The following PCDHGB6 variants were observed in gnomAD, a reference collection of about 807,000 sequenced individuals.
PCDHGB6 encodes protocadherin gamma subfamily B, 6, also known as protocadherin gamma-B6.
A neutral mutation model predicts 59.1 loss-of-function variants in PCDHGB6; 51 were observed. The observed-to-expected ratio is 0.86, with a 90% CI of 0.69 to 1.09. The LOEUF is 1.09. Among genes scored for constraint, PCDHGB6 ranks in the 50% least tolerant of loss-of-function variants. PCDHGB6 has a pLI of 0.00. For synonymous variants in PCDHGB6, 466 were observed against 495.1 expected (o/e 0.94, Z 0.78); for missense variants, 1,148 against 1,205.1 (o/e 0.95, Z 0.70).
chr5:141,491,714 C>T lies in PCDHGB6; in HGVS notation c.2419-3093C>T, dbSNP rs1321811999. 2 of 1,608,744 alleles carry T rather than the reference C, an allele frequency of 1.2e-6. No individual in the cohort carries two copies. Among genetic ancestry groups the T allele is most frequent in the Non-Finnish European group, 1.7e-6 (2 of 1,177,916 alleles). The stretch of plus-strand genomic sequence containing the variant: ...GAGCGGAGCCAGGTGAGGGGCTCGG[C>T]GCCGCCCCGGGCGACCCCTGGGGGC... On this transcript the variant is annotated intron_variant, in intron 1 of 3. Coordinates refer to ENST00000520790, the MANE Select transcript of PCDHGB6 (RefSeq NM_018926.3). The surrounding 1 kb of genome is among the most constrained non-coding windows in gnomAD (Gnocchi z 6.9).
intron 1 of PCDHGB6, among the ~76,000 whole-genome samples, chr5:141,474,000 C>T (rs2099336161): frequency 6.6e-6 from 1 of 152,076 alleles, no homozygotes. Context: ...GCCCAAGGAG[C>T]TGGAAGTTAC....
rs922042985 is a variant in PCDHGB6, at chr5:141,415,768, T to G, written c.2418+5148T>G. 1.6e-5 allele frequency: 22 copies of G among 1,345,224 alleles called. No homozygotes were observed. The African/African-American group carries it at 3.6e-4, about 22-fold the overall frequency. The allele number at this position is 1,345,224 out of a possible 1,614,324, so 83.3% of individuals were successfully genotyped here. ...TTTTTTTTTTTTTTTTTTTTTTTTT[T>G]TTTTACTTTCTGGTAAAATTCACCT... is the stretch of plus-strand genomic sequence containing the variant. On this transcript the variant is annotated intron_variant, in intron 1 of 3. Coordinates refer to ENST00000520790, the MANE Select transcript of PCDHGB6 (RefSeq NM_018926.3).
Position 141,432,916 on chromosome 5 carries a change from G to A in PCDHGB6, c.2418+22296G>A, listed in dbSNP as rs1303459899. ...TGCTGGCGCTCAGGCTGCGGCGCTG[G>A]CACAAGTCACGCCTGCTGCAGGCTT... is the stretch of plus-strand genomic sequence containing the variant. On this transcript the variant is annotated intron_variant, in intron 1 of 3. Transcript: ENST00000520790. This position sits in a 1 kb window ranked among gnomAD's most constrained non-coding sequence, Gnocchi z 6.0. 1.2e-6 allele frequency: 2 copies of A among 1,614,078 alleles called. No individual in the cohort carries two copies. The highest frequency in any genetic ancestry group is 1.7e-6 in the Non-Finnish European group (2 of 1,180,048).
At chr5:141,428,618 T>C (rs554092834) in intron 1 of PCDHGB6, 1 of 206,012 alleles carries the variant, frequency 4.9e-6, no homozygotes, top group African/African-American at 2.3e-5. Context: ...AATAACAAGA[T>C]AAGCTCTAAC....
chr5:141,418,363 C>G (rs147423305), intron 1 of PCDHGB6: 1 of 1,613,866 alleles, frequency 6.2e-7, no homozygotes, highest in Non-Finnish European at 8.5e-7. Context: ...ATTCGCTGAG[C>G]AAATACCAAC....
intron 1 of PCDHGB6, chr5:141,439,807 G>A (rs2098132839): frequency 6.6e-6 from 1 of 152,336 alleles, no homozygotes; most frequent in African/African-American, 2.4e-5. Context: ...AGTTTGAAAA[G>A]GGGCTTATTT....
intron 1 of PCDHGB6, among the ~76,000 whole-genome samples, chr5:141,475,620 G>A (rs2154572702): frequency 6.6e-6 from 1 of 152,238 alleles, no homozygotes; most frequent in Admixed American, 6.5e-5. Flanking sequence ...TTTTCGGTTT[G>A]GTTCGATCCC....
intron 1 of PCDHGB6, chr5:141,430,495 T>C: frequency 3.4e-6 from 1 of 293,400 alleles, no homozygotes; most frequent in Non-Finnish European, 6.2e-6. Context: ...GAAATATCCT[T>C]TCTGGGAGTT....
In PCDHGB6 at chr5:141,477,602, C is replaced by G. The variant is rs772296229; in HGVS notation, c.2419-17205C>G. ...GCAGAATGCTCGGCTTTCTTTCTTT[C>G]TCTTGGAGCAAGGAGCTGAAACCGG... On this transcript the variant is annotated intron_variant, in intron 1 of 3. Coordinates refer to ENST00000520790, the MANE Select transcript of PCDHGB6 (RefSeq NM_018926.3). This position sits in a 1 kb window ranked among gnomAD's most constrained non-coding sequence, Gnocchi z 4.9. 6.2e-7 allele frequency: 1 copy of G among 1,614,098 alleles called. No homozygotes were observed. Among genetic ancestry groups the G allele is most frequent in the East Asian group, 2.2e-5 (1 of 44,898 alleles).
rs2095365763 is a variant in PCDHGB6, at chr5:141,410,177, A to C, written c.1975A>C (p.Thr659Pro). 1.2e-6 allele frequency: 2 copies of C among 1,613,626 alleles called. No homozygotes were observed. The highest frequency in any genetic ancestry group is 1.7e-6 in the Non-Finnish European group (2 of 1,179,734). Reference sequence around the variant, plus strand: ...ACAGCCGCCACTCTCTGCCACCGCCACGCTTCATCTGGTCTTCGCAGACAA... The same window carrying C: ...ACAGCCGCCACTCTCTGCCACCGCCCCGCTTCATCTGGTCTTCGCAGACAA... ...GGQPPLSATA[T>P]LHLVFADNLQ... is the part of the protein sequence containing the mutation. Residue 659 changes from threonine to proline, a missense_variant, in exon 1 of 4, where the codon ACG becomes CCG. Transcript: ENST00000520790.
In PCDHGB6 at chr5:141,432,021, C is replaced by G. The variant is rs746940912; in HGVS notation, c.2418+21401C>G. 1.9e-5 allele frequency: 30 copies of G among 1,614,076 alleles called. No individual in the cohort carries two copies. The highest frequency in any genetic ancestry group is 2.7e-5 in the African/African-American group (2 of 74,922). Reference sequence around the variant, plus strand: ...GAACAGGTTCCTAGCTACAACATCACAGTGACCGCCACTGACCGGGGAACC... The same window carrying G: ...GAACAGGTTCCTAGCTACAACATCAGAGTGACCGCCACTGACCGGGGAACC... On this transcript the variant is annotated intron_variant, in intron 1 of 3. Transcript: ENST00000520790. The surrounding 1 kb of genome is among the most constrained non-coding windows in gnomAD (Gnocchi z 6.0).
intron 1 of PCDHGB6, among the ~76,000 whole-genome samples, chr5:141,447,895 G>A (rs931589569): frequency 1.3e-5 from 2 of 152,068 alleles, no homozygotes; most frequent in Non-Finnish European, 2.9e-5. Context: ...AGACCAGCCT[G>A]GCCAACATGG....
rs141958687 is a variant in PCDHGB6 at position 141,509,744 on chromosome 5, G to A, written c.2567-1203G>A. 3.3e-3 allele frequency among the ~76,000 whole-genome samples: 509 copies of A among 152,266 alleles called. 3 individuals are homozygous for A. The highest frequency in any genetic ancestry group is 5.5e-3 in the Non-Finnish European group (372 of 68,024). On this transcript the variant is annotated intron_variant, in intron 3 of 3. Coordinates refer to ENST00000520790, the MANE Select transcript of PCDHGB6 (RefSeq NM_018926.3). ...CACCTAGCTGTGGCACTCTGAGCCT[G>A]TGCCTAAAGTGTCCCTGAGATGTCT...
At chr5:141,418,381 T>C in intron 1 of PCDHGB6, 3 of 1,613,998 alleles carry the variant, frequency 1.9e-6, no homozygotes, top group Non-Finnish European at 2.5e-6. Flanking sequence ...AACTAAGTCC[T>C]AACGAGTATT....
intron 1 of PCDHGB6, chr5:141,423,126 G>T (rs1397550571): frequency 6.2e-7 from 1 of 1,613,622 alleles, no homozygotes; most frequent in Non-Finnish European, 8.5e-7. Context: ...CGCGGGCACT[G>T]CTGGACAGAG....
chr5:141,408,670 T>G lies in PCDHGB6; in HGVS notation c.468T>G (p.Pro156=). 6.2e-7 allele frequency: 1 copy of G among 1,614,008 alleles called. No individual in the cohort carries two copies. Among genetic ancestry groups the G allele is most frequent in the Non-Finnish European group, 8.5e-7 (1 of 1,179,870 alleles). Residue 156 remains proline (P), a synonymous_variant, in exon 1 of 4, where the codon CCT becomes CCG. Coordinates refer to ENST00000520790, the MANE Select transcript of PCDHGB6 (RefSeq NM_018926.3). Reference sequence around the variant, plus strand: ...CTGGTACACGACTATCGCTTGACCCTGCCACGGATCCTGATATAAACATAA... The same window carrying G: ...CTGGTACACGACTATCGCTTGACCCGGCCACGGATCCTGATATAAACATAA... The part of the protein sequence containing the change: ...ASAGTRLSLD[P]ATDPDININS...
chr5:141,465,520 G>C (rs2099104807), intron 1 of PCDHGB6, among the ~76,000 whole-genome samples: 1 of 152,144 alleles, frequency 6.6e-6, no homozygotes, highest in Non-Finnish European at 1.5e-5. Flanking sequence ...GAAGGATTCT[G>C]GGGAAGTTTT....
chr5:141,508,334 C>T (rs1323577321), intron 3 of PCDHGB6: 2 of 151,150 alleles, frequency 1.3e-5, no homozygotes, highest in African/African-American at 4.9e-5. Flanking sequence ...GGAGAACTGA[C>T]TCTACAGAAA....
intron 1 of PCDHGB6, chr5:141,418,522 C>A: frequency 6.2e-7 from 1 of 1,614,000 alleles, no homozygotes; most frequent in Non-Finnish European, 8.5e-7. Flanking sequence ...GGGACCCTCC[C>A]CGAAGCGGTA....
Sources: allele counts gnomAD v4.1 joint callset (sites outside exome capture counted in the v4.1 genomes callset), GRCh38; gene constraint gnomAD v4.1.1; non-coding constraint Gnocchi (gnomAD v3.1); transcripts MANE v1.5; gene names NCBI Gene and HGNC (gene_info 2026-07-23, HGNC 2026-07-21).